SCN10A: variants seen among roughly 807,000 people sequenced by gnomAD.
SCN10A encodes the protein sodium voltage-gated channel alpha subunit 10, also known as sodium channel protein type 10 subunit alpha.
A neutral mutation model predicts 170.7 loss-of-function variants in SCN10A; 162 were observed. The observed-to-expected ratio is 0.95, with a 90% CI of 0.84 to 1.08. The LOEUF (loss-of-function observed/expected upper bound fraction) is 1.08. SCN10A is among the 50% of genes least tolerant of loss of function. The pLI, the probability that SCN10A is intolerant of heterozygous loss-of-function variation, is 0.00. For missense variants in SCN10A, 2,527 were observed against 2,436.9 expected, an observed-to-expected ratio of 1.04 and a Z score of -0.78; for synonymous variants, 985 against 904.6, an observed-to-expected ratio of 1.09 and a Z score of -1.59.
chr3:38,807,695 C>T (rs1337727817), intron 1 of SCN10A, among the ~76,000 whole-genome samples: 3 of 152,172 alleles, frequency 2.0e-5, no homozygotes, highest in Non-Finnish European at 4.4e-5. Flanking sequence ...AGTCAAACCT[C>T]TTTTCTGTTC....
intron 21 of SCN10A, among the ~76,000 whole-genome samples, chr3:38,716,413 G>A (rs1281074717): frequency 6.6e-6 from 1 of 152,078 alleles, no homozygotes; most frequent in African/African-American, 2.4e-5. Flanking sequence ...TTATAAGGGG[G>A]AGTTTCCCTG....
chr3:38,806,478 C>T (rs545046541), intron 1 of SCN10A, among the ~76,000 whole-genome samples: 3 of 152,002 alleles, frequency 2.0e-5, no homozygotes, highest in Non-Finnish European at 4.4e-5. Flanking sequence ...TTTAAAAAAC[C>T]AGAGAGATAG....
At chr3:38,765,037 C>A (rs1287066522) in intron 5 of SCN10A, among the ~76,000 whole-genome samples, 1 of 151,996 alleles carries the variant, frequency 6.6e-6, no homozygotes, top group Admixed American at 6.6e-5. Flanking sequence ...TTGTCCTTTG[C>A]CCACTTTTGG....
intron 13 of SCN10A, among the ~76,000 whole-genome samples, chr3:38,742,891 G>T (rs963232672): frequency 3.3e-5 from 5 of 151,926 alleles, no homozygotes; most frequent in Non-Finnish European, 7.4e-5. Context: ...CATTGTACTT[G>T]CCTGGCAAAA....
Position 38,742,466 on chromosome 3 carries a change from A to G in SCN10A, c.1931T>C (p.Ile644Thr), listed in dbSNP as rs772810661. 6.2e-7 allele frequency: 1 copy of G among 1,614,184 alleles called. No homozygotes were observed. Among genetic ancestry groups the G allele is most frequent in the Non-Finnish European group, 8.5e-7 (1 of 1,180,040 alleles). The change falls in exon 14 of 28, where the codon ATC (isoleucine) becomes ACC (threonine). Residue 644 changes from isoleucine (I) to threonine (T), a missense_variant. Ile to Thr is a moderately conservative substitution (Grantham distance 89, BLOSUM62 -1). Transcript: ENST00000449082. ...CACCCACATGGGGCAGCAATCCCAG[A>G]TCAGATACTTCTGAGACAAGCTGGT... ...CLTSLSQKYL[I>T]WDCCPMWVKL... is the part of the protein sequence containing the mutation.
chr3:38,786,318 GTTC>G (rs1433509002), intron 4 of SCN10A, among the ~76,000 whole-genome samples: 3 of 152,164 alleles, frequency 2.0e-5, no homozygotes, highest in Admixed American at 2.0e-4. Context: ...GTGAGTTCAT[GTTC>G]TTTGCAGGGA....
chr3:38,730,915 A>G (rs995055958), intron 15 of SCN10A, among the ~76,000 whole-genome samples: 8 of 152,218 alleles, frequency 5.3e-5, no homozygotes, highest in Admixed American at 5.2e-4. Context: ...CAAAGTCCAG[A>G]AGGAGAAAAA....
intron 1 of SCN10A, among the ~76,000 whole-genome samples, chr3:38,814,820 C>T (rs866420109): frequency 6.6e-6 from 1 of 152,186 alleles, no homozygotes; most frequent in Admixed American, 6.5e-5. Flanking sequence ...TATGCCATTT[C>T]AAACCAAAAA....
chr3:38,782,525 A>G (rs1038299063), intron 4 of SCN10A, among the ~76,000 whole-genome samples: 1 of 152,048 alleles, frequency 6.6e-6, no homozygotes, highest in Non-Finnish European at 1.5e-5. Flanking sequence ...TTCTATTGGC[A>G]TTTTGAGAGG....
Position 38,698,266 on chromosome 3 carries a change from G to A in SCN10A, c.4954C>T (p.Leu1652=). The A allele has an allele frequency of 6.2e-7, 1 of 1,614,184 alleles. No homozygotes were observed. Among genetic ancestry groups the A allele is most frequent in the Non-Finnish European group, 8.5e-7 (1 of 1,180,032 alleles). Residue 1652 remains leucine (L), a synonymous_variant, in exon 28 of 28, where the codon CTG becomes TTG. Coordinates refer to ENST00000449082, the MANE Select transcript of SCN10A (RefSeq NM_006514.4). ...FNFQTFANSM[L]CLFQITTSAG... ...GACGTGGTAATCTGGAAGAGGCACA[G>A]CATGCTGTTGGCGAAGGTCTGGAAG... is the stretch of plus-strand genomic sequence containing the variant.
chr3:38,720,945 C>T lies in SCN10A; in HGVS notation c.3507+1313G>A, dbSNP rs151100738. Among the ~76,000 whole-genome samples, 553 of 152,304 alleles carry T rather than the reference C, an allele frequency of 3.6e-3. 6 individuals carry two copies. The highest frequency in any genetic ancestry group is 0.013 in the African/African-American group (526 of 41,570). ...TTGGCCTCTACACTGTGCTGAGGTCCGTGTGGACAATCACTGCCCTGTGCC... is the reference window on the plus strand; with the variant it reads ...TTGGCCTCTACACTGTGCTGAGGTCTGTGTGGACAATCACTGCCCTGTGCC... On this transcript the variant is annotated intron_variant, in intron 20 of 27. Transcript: ENST00000449082.
intron 14 of SCN10A, among the ~76,000 whole-genome samples, chr3:38,740,805 T>G (rs1035910443): frequency 1.1e-4 from 16 of 152,312 alleles, no homozygotes; most frequent in South Asian, 2.1e-4. Flanking sequence ...AAGTGGCACT[T>G]TCCTCTGACA....
chr3:38,775,434 C>A (rs1187186161), intron 4 of SCN10A, among the ~76,000 whole-genome samples: 5 of 152,122 alleles, frequency 3.3e-5, no homozygotes, highest in Non-Finnish European at 7.4e-5. Flanking sequence ...GAATGATATT[C>A]AATTGTTTAC....
chr3:38,706,735 G>C (rs1417495952), intron 26 of SCN10A, among the ~76,000 whole-genome samples: 1 of 152,098 alleles, frequency 6.6e-6, no homozygotes, highest in Non-Finnish European at 1.5e-5. Context: ...CTAGAGTCTG[G>C]CCCTAATTTT....
rs6801957 is a variant in SCN10A, at chr3:38,725,824, T to C, written c.3088-510A>G. ...TCACAGAGTTCATGCTCTCTGCTGT[T>C]ACCTAGACAAAGGCATGTAAAATAT... On this transcript the variant is annotated intron_variant, in intron 17 of 27. Coordinates refer to ENST00000449082, the MANE Select transcript of SCN10A (RefSeq NM_006514.4). Among the ~76,000 whole-genome samples, 101,757 of 152,200 alleles carry C rather than the reference T, an allele frequency of 0.67. 35,019 individuals are homozygous for C. Among genetic ancestry groups the C allele is most frequent in the African/African-American group, 0.84 (35,058 of 41,558 alleles).
chr3:38,803,797 T>TA (rs935323254), intron 1 of SCN10A, among the ~76,000 whole-genome samples: 7 of 151,690 alleles, frequency 4.6e-5, no homozygotes, highest in Non-Finnish European at 7.4e-5. Flanking sequence ...TTAAAGTATA[T>TA]AAAAAAAACA....
intron 4 of SCN10A, among the ~76,000 whole-genome samples, chr3:38,773,732 A>G (rs952547637): frequency 6.6e-6 from 1 of 152,240 alleles, no homozygotes; most frequent in Non-Finnish European, 1.5e-5. Context: ...ATGTAATTAT[A>G]TATGTAGTCA....
intron 26 of SCN10A, among the ~76,000 whole-genome samples, chr3:38,704,596 T>A (rs1204850963): frequency 6.6e-6 from 1 of 152,206 alleles, no homozygotes. Context: ...TATATTTCTA[T>A]AAAGTGGAGT....
intron 7 of SCN10A, 141 bp downstream of exon 7, chr3:38,761,051 A>T: frequency 1.4e-6 from 1 of 694,134 alleles, no homozygotes. Context: ...AGTAAAACAC[A>T]ACTCAAGAGA....
Sources: allele counts gnomAD v4.1 joint callset (sites outside exome capture counted in the v4.1 genomes callset), GRCh38; gene constraint gnomAD v4.1.1; transcripts MANE v1.5; gene names NCBI Gene and HGNC (gene_info 2026-07-23, HGNC 2026-07-21).